RNF213: variants seen among roughly 807,000 people sequenced by gnomAD.
The protein encoded by RNF213 is ring finger protein 213, also known as E3 ubiquitin-protein ligase RNF213.
RNF213 carries 341 observed loss-of-function variants against 514.4 expected under a neutral mutation model. The ratio of observed to expected loss-of-function variants is 0.66; its 90% CI spans 0.61 to 0.73. The LOEUF is 0.73. RNF213 is among the 30% of genes least tolerant of loss of function. The pLI is 0.00. For missense variants in RNF213, 5,767 were observed against 6,615.6 expected, an observed-to-expected ratio of 0.87 and a Z score of 4.45; for synonymous variants, 2,655 against 2,658.2, an observed-to-expected ratio of 1.00 and a Z score of 0.04.
At chr17:80,342,710 CATATATAGTATGTAT>C (rs1390757111) in intron 26 of RNF213, among the ~76,000 whole-genome samples, 1 of 142,330 alleles carries the variant, frequency 7.0e-6, no homozygotes, top group Non-Finnish European at 1.5e-5. Flanking sequence ...TCTATATATA[CATATATAGTATGTAT>C]ATATATATTA....
chr17:80,262,171 G>A (rs2043446595), intron 1 of RNF213, among the ~76,000 whole-genome samples: 1 of 152,040 alleles, frequency 6.6e-6, no homozygotes, highest in Non-Finnish European at 1.5e-5. Context: ...GTTGTTTCAG[G>A]TAGAGTGTGG....
chr17:80,372,462 T>C, intron 47 of RNF213, 59 bp from the exon 48 acceptor site: 1 of 1,255,866 alleles, frequency 8.0e-7, no homozygotes, highest in South Asian at 1.3e-5. Flanking sequence ...CTGTAGAAGC[T>C]TGGGGCATCC....
At chr17:80,323,066 A>G (rs1026201447) in intron 17 of RNF213, among the ~76,000 whole-genome samples, 1 of 152,116 alleles carries the variant, frequency 6.6e-6, no homozygotes, top group Admixed American at 6.6e-5. Context: ...TATATGGTGT[A>G]TATGGTGTGA....
In RNF213 at chr17:80,395,840, AAG is replaced by A. The variant is rs781699013; in HGVS notation, c.*2345_*2346del. The stretch of plus-strand genomic sequence containing the variant: ...ACCTGTGGTCTAGAACCACAGCAAG[AAG>A]AGGAGGCATGCTGGCCTGCACCGGA... On this transcript the variant is annotated 3_prime_UTR_variant, in exon 68 of 68. Transcript: ENST00000582970. The A allele has an allele frequency of 6.6e-6, 1 of 152,196 alleles. No individual in the cohort carries two copies. The highest frequency in any genetic ancestry group is 1.5e-5 in the Non-Finnish European group (1 of 68,048). The allele number at this position is 152,196 out of a possible 1,614,324, so 9.4% of individuals were successfully genotyped here.
intron 14 of RNF213, among the ~76,000 whole-genome samples, chr17:80,312,300 G>T (rs2045597820): frequency 6.6e-6 from 1 of 152,180 alleles, no homozygotes; most frequent in South Asian, 2.1e-4. Flanking sequence ...GGAAGGCAGG[G>T]GAGAGAAGGG....
intron 38 of RNF213, among the ~76,000 whole-genome samples, chr17:80,360,909 A>G (rs1345197025): frequency 6.6e-6 from 1 of 152,080 alleles, no homozygotes; most frequent in African/African-American, 2.4e-5. Context: ...CCTCATGAGC[A>G]TATTCCTTTC....
intron 67 of RNF213, among the ~76,000 whole-genome samples, chr17:80,390,805 G>C (rs145402736): frequency 6.6e-6 from 1 of 152,104 alleles, no homozygotes; most frequent in Non-Finnish European, 1.5e-5. Flanking sequence ...GGCTTACCCT[G>C]TAATCCCAGC....
rs748015426 is a variant in RNF213, at chr17:80,343,819, G to C, written c.6184-38G>C. 13 of 1,611,776 alleles carry C rather than the reference G, an allele frequency of 8.1e-6. No homozygotes were observed. In the South Asian group the frequency reaches 1.4e-4, roughly 18 times the overall value. On this transcript the variant is annotated intron_variant, in intron 27 of 67. Transcript: ENST00000582970. The surrounding 1 kb of genome is among the most constrained non-coding windows in gnomAD (Gnocchi z 4.3). ...CTTAGAGTTGGGAGAACTCGCCATC[G>C]TGTCGTGTGTTTACACCTCGTGCGA...
In RNF213 at chr17:80,332,453, A is replaced by T; in HGVS notation, c.3965A>T (p.Lys1322Met). 4 of 1,537,182 alleles carry T rather than the reference A, an allele frequency of 2.6e-6. No individual in the cohort carries two copies. The highest frequency in any genetic ancestry group is 3.5e-6 in the Non-Finnish European group (4 of 1,146,872). Residue 1322 changes from lysine to methionine, a missense_variant, in exon 21 of 68, where the codon AAG becomes ATG. This residue lies in a region of RNF213 where 516 missense variants were observed against 566.5 expected (regional missense o/e 0.91). Coordinates refer to ENST00000582970, the MANE Select transcript of RNF213 (RefSeq NM_001256071.3). Reference protein sequence around the residue: ...NKYTDLDSELKIMCTVDHQDQ... With the variant: ...NKYTDLDSELMIMCTVDHQDQ... ...TACACGGACCTGGATTCAGAACTTA[A>T]GATCATGTGCACCGTGGACCACCAG... is the stretch of plus-strand genomic sequence containing the variant.
intron 8 of RNF213, among the ~76,000 whole-genome samples, chr17:80,294,156 C>T (rs2044849568): frequency 6.6e-6 from 1 of 152,200 alleles, no homozygotes; most frequent in Non-Finnish European, 1.5e-5. Flanking sequence ...GAGGTCTGCA[C>T]TCATATCGTT....
rs1198473156 is a variant in RNF213, at chr17:80,381,855, TGA to T, written c.13978+133_13978+134del. 3 of 917,706 alleles carry T rather than the reference TGA, an allele frequency of 3.3e-6. No individual in the cohort carries two copies. In the East Asian group the frequency reaches 7.9e-5, roughly 24 times the overall value. 56.8% of individuals were successfully genotyped at this position (917,706 alleles called of 1,614,324 possible). The stretch of plus-strand genomic sequence containing the variant: ...CTGTCTGTGCTGTTGCTGGAAAGAA[TGA>T]GAGAACACACAGAGAGAAAACCGTG... On this transcript the variant is annotated intron_variant, in intron 57 of 67. Coordinates refer to ENST00000582970, the MANE Select transcript of RNF213 (RefSeq NM_001256071.3).
Position 80,332,412 on chromosome 17 carries a change from G to A in RNF213, c.3924G>A (p.Lys1308=), listed in dbSNP as rs959178216. 6 of 1,537,054 alleles carry A rather than the reference G, an allele frequency of 3.9e-6. No homozygotes were observed. Among genetic ancestry groups the A allele is most frequent in the Non-Finnish European group, 5.2e-6 (6 of 1,146,910 alleles). ...TTGCAGAGATTGATGTCATCTTCAA[G>A]GACTTTGTGAATAAATACACGGACC... The part of the protein sequence containing the change: ...VTLAEIDVIF[K]DFVNKYTDLD... Residue 1308 remains lysine, a synonymous_variant, in exon 21 of 68, where the codon AAG becomes AAA. Coordinates refer to ENST00000582970, the MANE Select transcript of RNF213 (RefSeq NM_001256071.3).
rs543104351 is a variant in RNF213 at position 80,331,516 on chromosome 17, G to T, written c.3518-490G>T. 2.0e-5 allele frequency among the ~76,000 whole-genome samples: 3 copies of T among 151,768 alleles called. No homozygotes were observed. In the East Asian group the frequency reaches 5.8e-4, roughly 30 times the overall value. The stretch of plus-strand genomic sequence containing the variant: ...TGATTCTCCTGCCTCAGCCTCCTGA[G>T]TAGCTGGGATTACAGGTGCGCTCCA... On this transcript the variant is annotated intron_variant, in intron 20 of 67. Transcript: ENST00000582970.
intron 37 of RNF213, among the ~76,000 whole-genome samples, chr17:80,359,414 C>T (rs1212227640): frequency 1.3e-5 from 2 of 149,598 alleles, no homozygotes; most frequent in Non-Finnish European, 3.0e-5. Context: ...GTCCCAGCTA[C>T]TCTAGAAGCT....
chr17:80,278,760 A>G lies in RNF213; in HGVS notation c.261+5356A>G, dbSNP rs1477907773. 10 of 1,537,024 alleles carry G rather than the reference A, an allele frequency of 6.5e-6. No individual in the cohort carries two copies. The African/African-American group carries it at 1.1e-4, about 17-fold the overall frequency. On this transcript the variant is annotated intron_variant, in intron 3 of 67. Transcript: ENST00000582970. ...CCTGTCTGAAGGGGGTCGTGTTTCA[A>G]CAGGGAGCTACATCAGAGGTTTTGG...
At chr17:80,366,466 T>C (rs2079278213) in intron 42 of RNF213, among the ~76,000 whole-genome samples, 1 of 152,204 alleles carries the variant, frequency 6.6e-6, no homozygotes, top group African/African-American at 2.4e-5. Context: ...TGGTTTTTAT[T>C]TGCATTTCTC....
At position 80,364,937 on chromosome 17, in the gene RNF213, G is replaced by C. The variant is rs111591237; in HGVS notation, c.11871+384G>C. 4.2e-3 allele frequency: 1,326 copies of C among 312,166 alleles called. 21 individuals are homozygous for C. The highest frequency in any genetic ancestry group is 0.026 in the African/African-American group (1,225 of 46,364). 19.3% of individuals were successfully genotyped at this position (312,166 alleles called of 1,614,324 possible). A position where few individuals can be genotyped will look rare whatever the true frequency, so the allele number is the denominator to read the frequency against. On this transcript the variant is annotated intron_variant, in intron 42 of 67. Transcript: ENST00000582970. Reference sequence around the variant, plus strand: ...CCATTTTCATAGTCATGGAGACAAGGATGTCAGAGAATGCCACCGGGGTTT... The same window carrying C: ...CCATTTTCATAGTCATGGAGACAAGCATGTCAGAGAATGCCACCGGGGTTT...
At chr17:80,311,638 C>T (rs536138442) in intron 14 of RNF213, among the ~76,000 whole-genome samples, 14 of 152,316 alleles carry the variant, frequency 9.2e-5, no homozygotes, top group Admixed American at 2.0e-4. Context: ...GGTATAGTGA[C>T]GCTGTGTTCC....
intron 62 of RNF213, 63 bp downstream of exon 62, chr17:80,386,493 G>C: frequency 6.4e-7 from 1 of 1,562,408 alleles, no homozygotes; most frequent in African/African-American, 1.4e-5. Flanking sequence ...GCCCAGTGGG[G>C]CAGACACAAG....
Sources: allele counts gnomAD v4.1 joint callset (sites outside exome capture counted in the v4.1 genomes callset), GRCh38; gene constraint gnomAD v4.1.1; regional missense constraint gnomAD v4.1.1; non-coding constraint Gnocchi (gnomAD v3.1); transcripts MANE v1.5; gene names NCBI Gene and HGNC (gene_info 2026-07-23, HGNC 2026-07-21).